ALDH1A2: variants seen among roughly 807,000 people sequenced by gnomAD.
ALDH1A2 encodes retinal dehydrogenase 2.
ALDH1A2 carries 27 observed loss-of-function variants against 60.3 expected under a neutral mutation model. That is an observed-to-expected ratio of 0.45 (90% CI 0.33 to 0.62). The LOEUF (loss-of-function observed/expected upper bound fraction) is 0.62, where lower values mean the gene tolerates loss of function less well. Ranked by LOEUF, ALDH1A2 falls within the 20% of genes least tolerant of loss-of-function variation. The probability of loss-of-function intolerance (pLI) is 0.02; values close to 1 mark genes in which losing one functional copy is unlikely to be tolerated. For missense variants in ALDH1A2, 581 were observed against 643.8 expected (o/e 0.90, Z 1.06); for synonymous variants, 289 against 232.4 (o/e 1.24, Z -2.21).
At chr15:57,957,664 G>C (rs1433392215) in intron 12 of ALDH1A2, among the ~76,000 whole-genome samples, 2 of 152,140 alleles carry the variant, frequency 1.3e-5, no homozygotes, top group Non-Finnish European at 2.9e-5. Flanking sequence ...TAGAAGACTA[G>C]GTTCTAGTCC....
At chr15:57,992,612 T>C in intron 7 of ALDH1A2, 93 bp downstream of exon 7, 1 of 1,152,356 alleles carries the variant, frequency 8.7e-7, no homozygotes, top group Non-Finnish European at 1.3e-6. Flanking sequence ...GCCCTTTTGG[T>C]GTCTAGCCTA....
At chr15:58,042,324 T>C (rs1403384980) in intron 1 of ALDH1A2, among the ~76,000 whole-genome samples, 1 of 151,998 alleles carries the variant, frequency 6.6e-6, no homozygotes, top group Admixed American at 6.6e-5. Flanking sequence ...CATACTGTCC[T>C]GTAATACTTT....
chr15:58,002,391 G>T (rs1046483167), intron 4 of ALDH1A2, among the ~76,000 whole-genome samples: 3 of 151,894 alleles, frequency 2.0e-5, no homozygotes, highest in Admixed American at 2.0e-4. Flanking sequence ...TATTTAATTA[G>T]AAAAATTTAA....
Position 58,012,250 on chromosome 15 carries a change from A to T in ALDH1A2, c.364-1472T>A, listed in dbSNP as rs1895653821. 2.0e-5 allele frequency: 3 copies of T among 152,194 alleles called. 1 individual carries two copies. In the South Asian group the frequency reaches 6.2e-4, roughly 32 times the overall value. 9.4% of individuals were successfully genotyped at this position (152,194 alleles called of 1,614,324 possible). A position where few individuals can be genotyped will look rare whatever the true frequency, so the allele number is the denominator to read the frequency against. On this transcript the variant is annotated intron_variant, in intron 3 of 12. Coordinates refer to ENST00000249750, the MANE Select transcript of ALDH1A2 (RefSeq NM_003888.4). Reference sequence around the variant, plus strand: ...TTAATCATCTTCTAGCACAGTGTTAATCCAATGCTATAGATATCATATATC... The same window carrying T: ...TTAATCATCTTCTAGCACAGTGTTATTCCAATGCTATAGATATCATATATC...
chr15:58,054,431 T>G (rs1297661818), intron 1 of ALDH1A2, among the ~76,000 whole-genome samples: 28 of 152,090 alleles, frequency 1.8e-4, no homozygotes, highest in Non-Finnish European at 4.1e-4. Flanking sequence ...GCCACCCCTT[T>G]GTGTTGCTGA....
chr15:58,007,484 C>G (rs970798999), intron 4 of ALDH1A2, among the ~76,000 whole-genome samples: 1 of 151,984 alleles, frequency 6.6e-6, no homozygotes, highest in African/African-American at 2.4e-5. Flanking sequence ...AAGTTTGAAT[C>G]TCACGTCTCC....
At chr15:57,983,444 A>T (rs949107377) in intron 7 of ALDH1A2, among the ~76,000 whole-genome samples, 9 of 152,222 alleles carry the variant, frequency 5.9e-5, no homozygotes, top group Admixed American at 5.2e-4. Flanking sequence ...TAATGTTAAG[A>T]GAAAAGGAAG....
intron 1 of ALDH1A2, among the ~76,000 whole-genome samples, chr15:58,045,261 G>T (rs8023769): frequency 0.41 from 62,481 of 151,782 alleles, 13,045 homozygotes; most frequent in Non-Finnish European, 0.44. Context: ...CTGGAGAGGA[G>T]GTGGAGAAAC....
intron 4 of ALDH1A2, among the ~76,000 whole-genome samples, chr15:57,999,285 A>G (rs1211934589): frequency 6.6e-6 from 1 of 152,256 alleles, no homozygotes; most frequent in East Asian, 1.9e-4. Context: ...ATTTTTTGCA[A>G]TCTATGCATC....
At chr15:58,062,716 A>G (rs1951594088) in intron 1 of ALDH1A2, among the ~76,000 whole-genome samples, 1 of 152,182 alleles carries the variant, frequency 6.6e-6, no homozygotes, top group Admixed American at 6.5e-5. Context: ...ACATTCCTTC[A>G]TAAGGGATCA....
intron 1 of ALDH1A2, among the ~76,000 whole-genome samples, chr15:58,061,603 A>AC (rs200949435): frequency 0.015 from 2,188 of 145,464 alleles, 101 homozygotes; most frequent in African/African-American, 0.051. Context: ...CTCAAAAAAA[A>AC]AAAAAACAAA....
chr15:58,003,113 A>G (rs1409463907), intron 4 of ALDH1A2, among the ~76,000 whole-genome samples: 1 of 151,874 alleles, frequency 6.6e-6, no homozygotes, highest in African/African-American at 2.4e-5. Context: ...AACAAAAGTT[A>G]GTTTACTTCT....
chr15:57,971,737 TTTG>T (rs756346580), intron 7 of ALDH1A2, among the ~76,000 whole-genome samples: 2 of 152,194 alleles, frequency 1.3e-5, no homozygotes, highest in Non-Finnish European at 2.9e-5. Context: ...CTTTCAATAA[TTTG>T]TTAAGTCAAT....
intron 1 of ALDH1A2, among the ~76,000 whole-genome samples, chr15:58,026,655 A>G (rs1252172247): frequency 6.6e-6 from 1 of 152,054 alleles, no homozygotes; most frequent in Non-Finnish European, 1.5e-5. Flanking sequence ...GGAACAGTAC[A>G]CTCTTGCCCA....
At position 57,992,156 on chromosome 15, in the gene ALDH1A2, T is replaced by C. The variant is rs116186759; in HGVS notation, c.798+549A>G. Among the ~76,000 whole-genome samples, 775 of 152,326 alleles carry C rather than the reference T, an allele frequency of 5.1e-3. 9 individuals are homozygous for C. Among genetic ancestry groups the C allele is most frequent in the African/African-American group, 0.018 (741 of 41,568 alleles). ...AATTGGCACATAGCCACACTCAATA[T>C]TATCTATGACTGTTTGGTGATACTA... On this transcript the variant is annotated intron_variant, in intron 7 of 12. Transcript: ENST00000249750.
At chr15:58,049,518 T>C (rs565178850) in intron 1 of ALDH1A2, among the ~76,000 whole-genome samples, 3 of 152,224 alleles carry the variant, frequency 2.0e-5, no homozygotes, top group African/African-American at 7.2e-5. Flanking sequence ...TGAGTACTCT[T>C]AAAAAGCTAG....
chr15:57,986,581 A>AC (rs1894709128), intron 7 of ALDH1A2, among the ~76,000 whole-genome samples: 1 of 147,790 alleles, frequency 6.8e-6, no homozygotes. Flanking sequence ...CAAAAAAAAA[A>AC]AAAAAAAAAA....
intron 1 of ALDH1A2, chr15:58,058,124 T>A (rs754927732): frequency 1.4e-6 from 2 of 1,476,390 alleles, no homozygotes; most frequent in South Asian, 2.4e-5. Flanking sequence ...GAAATAAGAC[T>A]TTCAGTTGTT....
At chr15:57,961,070 C>T (rs1169182430) in intron 11 of ALDH1A2, 67 bp downstream of exon 11, 50 of 1,590,606 alleles carry the variant, frequency 3.1e-5, no homozygotes, top group Admixed American at 8.4e-5. Context: ...CAAGGAGATA[C>T]TTGTTTATTT....
Sources: allele counts gnomAD v4.1 joint callset (sites outside exome capture counted in the v4.1 genomes callset), GRCh38; gene constraint gnomAD v4.1.1; transcripts MANE v1.5; gene names NCBI Gene and HGNC (gene_info 2026-07-23, HGNC 2026-07-21).